The following IHO1 variants were observed in gnomAD, a reference collection of about 807,000 sequenced individuals.
The protein encoded by IHO1 is interactor of HORMAD1 protein 1.
A neutral mutation model predicts 31.0 loss-of-function variants in IHO1; 13 were observed. The ratio of observed to expected loss-of-function variants is 0.42; its 90% CI spans 0.27 to 0.67. The LOEUF (loss-of-function observed/expected upper bound fraction) is 0.67. Ranked by LOEUF, IHO1 falls within the 30% of genes least tolerant of loss-of-function variation. IHO1 has a pLI of 0.24. For synonymous variants in IHO1, 221 were observed against 248.4 expected (o/e 0.89, Z 1.04); for missense variants, 599 against 687.5 (o/e 0.87, Z 1.44).
the IHO1 span, among the ~76,000 whole-genome samples, chr3:49,192,090 A>G: frequency 6.6e-6 from 1 of 152,266 alleles, no homozygotes; most frequent in African/African-American, 2.4e-5. Flanking sequence ...AACATTTTAA[A>G]TGCAGGCAAA....
Position 49,233,371 on chromosome 3 carries a change from C to T in IHO1, c.57-3177C>T, listed in dbSNP as rs140031289. Among the ~76,000 whole-genome samples, 281 of 152,268 alleles carry T rather than the reference C, an allele frequency of 1.8e-3. 6 individuals carry two copies. The highest frequency in any genetic ancestry group is 6.8e-3 in the Middle Eastern group (2 of 294). Reference sequence around the variant, plus strand: ...AATTTGGAAAAGAATAAAAAAGCATCTAGAAGGACACTCTACAAACTTGTC... The same window carrying T: ...AATTTGGAAAAGAATAAAAAAGCATTTAGAAGGACACTCTACAAACTTGTC... On this transcript the variant is annotated intron_variant, in intron 2 of 7. Transcript: ENST00000452691.
intron 3 of IHO1, among the ~76,000 whole-genome samples, chr3:49,236,957 A>C (rs868162437): frequency 1.3e-5 from 2 of 151,744 alleles, no homozygotes; most frequent in South Asian, 4.2e-4. Context: ...TGGCTGAGGC[A>C]GGAGGATTGC....
At chr3:49,217,406 C>T (rs1424120315) in intron 2 of IHO1, among the ~76,000 whole-genome samples, 2 of 149,952 alleles carry the variant, frequency 1.3e-5, no homozygotes, top group East Asian at 3.9e-4. Context: ...CCAAACACCA[C>T]ATGTTCTCAC....
At chr3:49,206,768 C>G (rs2046143490) in intron 1 of IHO1, among the ~76,000 whole-genome samples, 4 of 152,010 alleles carry the variant, frequency 2.6e-5, no homozygotes, top group Admixed American at 2.6e-4. Context: ...TGCAGTGGCA[C>G]ACACCTGTCA....
Position 49,241,251 on chromosome 3 carries a change from A to G in IHO1, c.257A>G (p.Tyr86Cys). 2 of 1,610,880 alleles carry G rather than the reference A, an allele frequency of 1.2e-6. No homozygotes were observed. Among genetic ancestry groups the G allele is most frequent in the Non-Finnish European group, 1.7e-6 (2 of 1,178,992 alleles). The change falls in exon 4 of 8, where the codon TAC (tyrosine) becomes TGC (cysteine). Residue 86 changes from tyrosine (Y) to cysteine (C), a missense_variant. Physicochemically the swap from Tyr to Cys is radical, Grantham distance 194. Coordinates refer to ENST00000452691, the MANE Select transcript of IHO1 (RefSeq NM_001135197.2). ...LEGEPSIFTK[Y>C]QTKPQLFGGD... ...GGTGAACCTAGCATTTTCACAAAGT[A>G]CCAGACAAAGCCCCAGCTGTTCGGA...
At chr3:49,202,216 A>G in intron 1 of IHO1, among the ~76,000 whole-genome samples, 1 of 152,126 alleles carries the variant, frequency 6.6e-6, no homozygotes, top group South Asian at 2.1e-4. Flanking sequence ...AGAATGATGT[A>G]GTATTACACT....
rs1245839507 is a variant in IHO1, at chr3:49,256,329, G to T, written c.832G>T (p.Ala278Ser). ...TGCTTCTCAGACGTCGCCACCTTTG[G>T]CCCAGAGCCTCAATCTCACCAGGCA... ...DSASQTSPPL[A>S]QSLNLTRQEK... The change falls in exon 8 of 8, where the codon GCC (alanine) becomes TCC (serine). Residue 278 changes from alanine to serine, a missense_variant. By Grantham distance (99) the Ala-to-Ser change is moderately conservative. Coordinates refer to ENST00000452691, the MANE Select transcript of IHO1 (RefSeq NM_001135197.2). This position sits in a 1 kb window ranked among gnomAD's most constrained non-coding sequence, Gnocchi z 4.6. 4 of 1,614,124 alleles carry T rather than the reference G, an allele frequency of 2.5e-6. No homozygotes were observed. In the Admixed American group the frequency reaches 5.0e-5, roughly 20 times the overall value.
chr3:49,253,994 T>C (rs2046794623), intron 6 of IHO1, among the ~76,000 whole-genome samples: 1 of 152,014 alleles, frequency 6.6e-6, no homozygotes, highest in Non-Finnish European at 1.5e-5. Flanking sequence ...CCGCCACGCC[T>C]GGCTCATTTT....
At chr3:49,240,991 T>G (rs948781532) in intron 3 of IHO1, among the ~76,000 whole-genome samples, 4 of 152,230 alleles carry the variant, frequency 2.6e-5, no homozygotes, top group African/African-American at 9.7e-5. Flanking sequence ...CTATTTTGGT[T>G]GACATTTAAA....
At chr3:49,215,186 G>C (rs1158095574) in intron 2 of IHO1, among the ~76,000 whole-genome samples, 1 of 151,944 alleles carries the variant, frequency 6.6e-6, no homozygotes, top group African/African-American at 2.4e-5. Flanking sequence ...CAGTAGCTGG[G>C]ATTACAGGCA....
At chr3:49,210,432 C>A (rs536361924) in intron 1 of IHO1, among the ~76,000 whole-genome samples, 1 of 151,286 alleles carries the variant, frequency 6.6e-6, no homozygotes, top group Non-Finnish European at 1.5e-5. Context: ...GAGTCTCACT[C>A]GATCGCCCAG....
chr3:49,227,973 A>G (rs2046435779), intron 2 of IHO1, among the ~76,000 whole-genome samples: 1 of 152,166 alleles, frequency 6.6e-6, no homozygotes, highest in Non-Finnish European at 1.5e-5. Flanking sequence ...CCAGGTGCCT[A>G]AAGAAGGGAA....
intron 2 of IHO1, among the ~76,000 whole-genome samples, chr3:49,234,172 T>G (rs919646578): frequency 1.4e-5 from 2 of 146,622 alleles, no homozygotes; most frequent in African/African-American, 5.0e-5. Flanking sequence ...GTTTTTTTTT[T>G]TTTTTTTTTT....
At chr3:49,204,560 C>A (rs1304370315) in intron 1 of IHO1, among the ~76,000 whole-genome samples, 1 of 152,074 alleles carries the variant, frequency 6.6e-6, no homozygotes, top group African/African-American at 2.4e-5. Flanking sequence ...CTGAAAGGGG[C>A]TTTTTCTGAG....
intron 2 of IHO1, among the ~76,000 whole-genome samples, chr3:49,235,269 C>A (rs1575580420): frequency 2.0e-5 from 3 of 150,524 alleles, no homozygotes; most frequent in African/African-American, 7.3e-5. Context: ...CTCTGTTGCC[C>A]AGGCTGGAGT....
At chr3:49,221,990 C>T (rs1397881001) in intron 2 of IHO1, among the ~76,000 whole-genome samples, 1 of 152,200 alleles carries the variant, frequency 6.6e-6, no homozygotes, top group African/African-American at 2.4e-5. Context: ...TAAGAAGGTG[C>T]AGAGTCCTCC....
intron 6 of IHO1, among the ~76,000 whole-genome samples, chr3:49,254,590 C>G (rs1189017574): frequency 1.3e-5 from 2 of 152,000 alleles, no homozygotes; most frequent in African/African-American, 4.8e-5. Flanking sequence ...GGGGGAATGA[C>G]AGGGACAGAA....
At chr3:49,206,313 G>C (rs1474769628) in intron 1 of IHO1, among the ~76,000 whole-genome samples, 1 of 151,970 alleles carries the variant, frequency 6.6e-6, no homozygotes, top group Non-Finnish European at 1.5e-5. Flanking sequence ...GGTGAGGCTG[G>C]TCTTGAACTC....
intron 1 of IHO1, among the ~76,000 whole-genome samples, chr3:49,201,277 A>G (rs13091199): frequency 1 from 151,504 of 151,506 alleles, 75,751 homozygotes; most frequent in Middle Eastern, 1. Context: ...ACAGGCATGA[A>G]CCACCGCACC....
Sources: allele counts gnomAD v4.1 joint callset (sites outside exome capture counted in the v4.1 genomes callset), GRCh38; gene constraint gnomAD v4.1.1; non-coding constraint Gnocchi (gnomAD v3.1); transcripts MANE v1.5; gene names NCBI Gene and HGNC (gene_info 2026-07-23, HGNC 2026-07-21).